Variants in GAS7 observed in about 807,000 individuals in gnomAD.
GAS7 encodes growth arrest specific 7, also known as growth arrest-specific protein 7.
Under a neutral mutation model 71.1 loss-of-function variants are expected in GAS7, and 28 were observed. The observed-to-expected ratio is 0.39, with a 90% CI of 0.29 to 0.54. The LOEUF (loss-of-function observed/expected upper bound fraction) is 0.54, where lower values mean the gene tolerates loss of function less well. Ranked by LOEUF, GAS7 falls within the 20% of genes least tolerant of loss-of-function variation. The pLI, the probability that GAS7 is intolerant of heterozygous loss-of-function variation, is 0.62. For missense variants in GAS7, 436 were observed against 627.8 expected (o/e 0.69, Z 3.27); for synonymous variants, 258 against 245.8 (o/e 1.05, Z -0.46).
chr17:10,050,848 C>A (rs1187760421), intron 1 of GAS7, among the ~76,000 whole-genome samples: 2 of 152,132 alleles, frequency 1.3e-5, no homozygotes, highest in Non-Finnish European at 2.9e-5. Flanking sequence ...AACAAGGGGG[C>A]CTGGAAGACT....
At chr17:10,181,836 A>G (rs1225599698) in intron 1 of GAS7, among the ~76,000 whole-genome samples, 2 of 152,138 alleles carry the variant, frequency 1.3e-5, no homozygotes, top group East Asian at 1.9e-4. Context: ...GGAGCCGGCC[A>G]AAACCCACCA....
chr17:10,190,737 G>A (rs199503376), intron 1 of GAS7, among the ~76,000 whole-genome samples: 13 of 151,892 alleles, frequency 8.6e-5, no homozygotes, highest in Non-Finnish European at 1.5e-4. Context: ...GAGCAGGGGT[G>A]TCCAATCTTT....
intron 9 of GAS7, among the ~76,000 whole-genome samples, chr17:9,932,740 C>G (rs2068255078): frequency 6.6e-6 from 1 of 152,138 alleles, no homozygotes; most frequent in South Asian, 2.1e-4. Context: ...GGGCTCTGTT[C>G]ATTCATGACT....
At chr17:10,128,676 G>A (rs1384520192) in intron 1 of GAS7, among the ~76,000 whole-genome samples, 27 of 150,382 alleles carry the variant, frequency 1.8e-4, no homozygotes, top group Non-Finnish European at 3.4e-4. Flanking sequence ...CTGGAGTGCA[G>A]CGGCGTGATC....
At chr17:9,958,985 G>T (rs1310230008) in intron 5 of GAS7, 9 of 1,414,378 alleles carry the variant, frequency 6.4e-6, no homozygotes, top group Non-Finnish European at 8.3e-6. Flanking sequence ...CCTTCCACTT[G>T]TTCACCAGGA....
chr17:10,086,751 G>A (rs1218102941), intron 1 of GAS7, among the ~76,000 whole-genome samples: 1 of 152,208 alleles, frequency 6.6e-6, no homozygotes, highest in Non-Finnish European at 1.5e-5. Flanking sequence ...TAATCTCAGA[G>A]TGATTTGGTT....
intron 2 of GAS7, among the ~76,000 whole-genome samples, chr17:10,019,106 C>A (rs2072159097): frequency 6.6e-6 from 1 of 152,120 alleles, no homozygotes; most frequent in Admixed American, 6.5e-5. Flanking sequence ...CCATCCACAG[C>A]AAACTTCTGG....
At position 10,090,118 on chromosome 17, in the gene GAS7, G is replaced by A. The variant is rs946353358; in HGVS notation, c.184-70221C>T. On this transcript the variant is annotated intron_variant, in intron 1 of 13. Coordinates refer to ENST00000432992, the MANE Select transcript of GAS7 (RefSeq NM_201433.2). Reference sequence around the variant, plus strand: ...CGGGAGGCAGAGGTTGCAGTGAGCCGAGATCGTGCCACTGCACTACAGCCT... The same window carrying A: ...CGGGAGGCAGAGGTTGCAGTGAGCCAAGATCGTGCCACTGCACTACAGCCT... Among the ~76,000 whole-genome samples the A allele has an allele frequency of 7.0e-4, 107 of 151,940 alleles. 1 individual carries two copies. Among genetic ancestry groups the A allele is most frequent in the African/African-American group, 2.5e-3 (103 of 41,400 alleles).
rs563176260 is a variant in GAS7, at chr17:9,948,074, T to C, written c.526-1091A>G. Among the ~76,000 whole-genome samples, 3 of 152,364 alleles carry C rather than the reference T, an allele frequency of 2.0e-5. No homozygotes were observed. In the East Asian group the frequency reaches 5.8e-4, roughly 29 times the overall value. On this transcript the variant is annotated intron_variant, in intron 5 of 13. Transcript: ENST00000432992. ...GTAAGAATACAGTGTATAATACACA[T>C]AAACATGCAAAATATGTGTTCATGT...
At chr17:10,133,395 T>G (rs2074014362) in intron 1 of GAS7, among the ~76,000 whole-genome samples, 1 of 152,134 alleles carries the variant, frequency 6.6e-6, no homozygotes, top group South Asian at 2.1e-4. Flanking sequence ...AGTGCTGGGA[T>G]TACAGGTGTG....
At chr17:9,954,421 T>C (rs970878556) in intron 5 of GAS7, among the ~76,000 whole-genome samples, 3 of 148,084 alleles carry the variant, frequency 2.0e-5, no homozygotes, top group African/African-American at 7.6e-5. Context: ...GAGGATGCAC[T>C]GGAGGGAGAA....
intron 2 of GAS7, among the ~76,000 whole-genome samples, chr17:9,985,263 C>T (rs891693044): frequency 7.2e-5 from 11 of 152,260 alleles, no homozygotes; most frequent in African/African-American, 1.2e-4. Context: ...CACTTCACAG[C>T]GAAAATCCCT....
chr17:10,057,600 C>G (rs879022743), intron 1 of GAS7, among the ~76,000 whole-genome samples: 1 of 151,082 alleles, frequency 6.6e-6, no homozygotes, highest in Non-Finnish European at 1.5e-5. Context: ...AGCCCCCGCC[C>G]GGCCAGCCGC....
intron 1 of GAS7, among the ~76,000 whole-genome samples, chr17:10,165,542 G>A (rs1567616941): frequency 6.6e-6 from 1 of 152,168 alleles, no homozygotes; most frequent in African/African-American, 2.4e-5. Context: ...TGCTCATTAG[G>A]CAGGCAAGCT....
chr17:9,943,105 G>A lies in GAS7; in HGVS notation c.731+16C>T. The A allele has an allele frequency of 6.5e-7, 1 of 1,540,882 alleles. No individual in the cohort carries two copies. The highest frequency in any genetic ancestry group is 9.0e-7 in the Non-Finnish European group (1 of 1,113,218). ...CTGGTGCCAGGCCCCAGGGCTGGGA[G>A]GGGCCCAGGCTTCACCTTTCCCGGA... On this transcript the variant is annotated intron_variant, in intron 7 of 13. Coordinates refer to ENST00000432992, the MANE Select transcript of GAS7 (RefSeq NM_201433.2).
At chr17:9,934,100 TTGTTA>T (rs1466406216) in intron 9 of GAS7, 61 bp downstream of exon 9, 110 of 1,030,632 alleles carry the variant, frequency 1.1e-4, no homozygotes, top group Non-Finnish European at 1.6e-4. Context: ...GGAGAGACAG[TTGTTA>T]ACTATTTTTT....
rs58006119 is a variant in GAS7, at chr17:10,143,016, C to CA, written c.183+55191dup. On this transcript the variant is annotated intron_variant, in intron 1 of 13. Coordinates refer to ENST00000432992, the MANE Select transcript of GAS7 (RefSeq NM_201433.2). The stretch of plus-strand genomic sequence containing the variant: ...CGAAACCCCATCTCTACTAAAAATA[C>CA]AAAAAAAAAAAAAAAATTAGCCAGG... 3.7e-3 allele frequency among the ~76,000 whole-genome samples: 522 copies of CA among 140,300 alleles called. 1 individual carries two copies. Among genetic ancestry groups the CA allele is most frequent in the African/African-American group, 0.013 (487 of 37,976 alleles). The allele number at this position is 140,300 out of a possible 152,430, so 92.0% of individuals were successfully genotyped here. A position where few individuals can be genotyped will look rare whatever the true frequency, so the allele number is the denominator to read the frequency against.
chr17:10,167,708 T>G (rs193193709), intron 1 of GAS7, among the ~76,000 whole-genome samples: 52 of 152,128 alleles, frequency 3.4e-4, no homozygotes, highest in African/African-American at 1.2e-3. Context: ...TCTCAATATG[T>G]TTTGTTTTGA....
At chr17:9,945,402 CACTCTGATGCTTGCTT>C (rs1166331182) in intron 6 of GAS7, among the ~76,000 whole-genome samples, 2 of 151,998 alleles carry the variant, frequency 1.3e-5, no homozygotes, top group African/African-American at 4.8e-5. Flanking sequence ...AAGTCTTACG[CACTCTGATGCTTGCTT>C]ACCCCGATGC....
Sources: allele counts gnomAD v4.1 joint callset (sites outside exome capture counted in the v4.1 genomes callset), GRCh38; gene constraint gnomAD v4.1.1; transcripts MANE v1.5; gene names NCBI Gene and HGNC (gene_info 2026-07-23, HGNC 2026-07-21).